SATB2: variants seen among roughly 807,000 people sequenced by gnomAD.
SATB2 encodes the protein SATB homeobox 2.
A neutral mutation model predicts 73.4 loss-of-function variants in SATB2; 1 was observed. That is an observed-to-expected ratio of 0.01 (90% CI 0.00 to 0.06). SATB2 has a LOEUF of 0.06. Ranked by LOEUF, SATB2 falls within the 10% of genes least tolerant of loss-of-function variation. The probability of loss-of-function intolerance (pLI) is 1.00; values close to 1 mark genes in which losing one functional copy is unlikely to be tolerated. For missense variants in SATB2, 459 were observed against 945.8 expected (o/e 0.49, Z 6.75); for synonymous variants, 397 against 367.0 (o/e 1.08, Z -0.93).
At chr2:199,462,939 G>A (rs1014271015), upstream of SATB2, among the ~76,000 whole-genome samples, 3 of 152,232 alleles carry the variant, frequency 2.0e-5, no homozygotes, top group African/African-American at 7.2e-5. This position sits in a 1 kb window ranked among gnomAD's most constrained non-coding sequence, Gnocchi z 5.9. Flanking sequence ...AGCTGCCTCA[G>A]GCGAGGACGG....
At chr2:199,355,171 TAC>T (rs139867776) in intron 6 of SATB2, among the ~76,000 whole-genome samples, 9 of 149,612 alleles carry the variant, frequency 6.0e-5, no homozygotes, top group African/African-American at 1.7e-4. Context: ...AATAAAATAA[TAC>T]ACACACACAC....
chr2:199,307,126 G>A (rs963902955), intron 10 of SATB2, among the ~76,000 whole-genome samples: 8 of 151,944 alleles, frequency 5.3e-5, no homozygotes, highest in South Asian at 4.2e-4. Flanking sequence ...TGGAGATGCC[G>A]GGGGAGTGAT....
chr2:199,374,773 G>A (rs1412104759), intron 5 of SATB2, among the ~76,000 whole-genome samples: 2 of 152,068 alleles, frequency 1.3e-5, no homozygotes, highest in African/African-American at 4.8e-5. Context: ...AGACTAGTCT[G>A]GCTAACATGG....
intron 2 of SATB2, among the ~76,000 whole-genome samples, chr2:199,454,286 T>G (rs921296182): frequency 6.6e-6 from 1 of 152,132 alleles, no homozygotes; most frequent in Non-Finnish European, 1.5e-5. Flanking sequence ...GATACCAAAA[T>G]TTTAAGTCCA....
chr2:199,419,586 C>T (rs982516776), intron 3 of SATB2, among the ~76,000 whole-genome samples: 1 of 152,212 alleles, frequency 6.6e-6, no homozygotes, highest in African/African-American at 2.4e-5. Context: ...CATGTGAAAG[C>T]AGTGCCGCCT....
chr2:199,443,539 CAAAAAAA>C (rs10598063), intron 2 of SATB2, among the ~76,000 whole-genome samples: 1 of 133,320 alleles, frequency 7.5e-6, no homozygotes, highest in African/African-American at 2.9e-5. Flanking sequence ...AAAGTTATAG[CAAAAAAA>C]AAAAAAAAAA....
At chr2:199,414,427 C>CA (rs1690914097) in intron 3 of SATB2, among the ~76,000 whole-genome samples, 1 of 152,236 alleles carries the variant, frequency 6.6e-6, no homozygotes, top group Admixed American at 6.5e-5. Context: ...ATCCACCCCC[C>CA]ACCAGGGCAA....
At chr2:199,337,512 A>AT (rs1252315934) in intron 7 of SATB2, among the ~76,000 whole-genome samples, 2 of 152,172 alleles carry the variant, frequency 1.3e-5, no homozygotes, top group East Asian at 1.9e-4. Flanking sequence ...TCCATGAAGG[A>AT]TTTTTTTCTT....
At chr2:199,419,224 C>T (rs941612787) in intron 3 of SATB2, among the ~76,000 whole-genome samples, 1 of 152,174 alleles carries the variant, frequency 6.6e-6, no homozygotes, top group African/African-American at 2.4e-5. Context: ...CACCTTCCAC[C>T]ACCACAGAGG....
chr2:199,401,329 C>T (rs551992690), intron 3 of SATB2, among the ~76,000 whole-genome samples: 6 of 151,792 alleles, frequency 4.0e-5, no homozygotes, highest in Middle Eastern at 3.4e-3. Context: ...AGGCGGACTA[C>T]GAGGTCAGGA....
At chr2:199,431,581 T>G (rs1306323713) in intron 3 of SATB2, among the ~76,000 whole-genome samples, 4 of 152,232 alleles carry the variant, frequency 2.6e-5, no homozygotes, top group Non-Finnish European at 2.9e-5. Context: ...ACTTTTGACT[T>G]GTTCCCTGTT....
At position 199,448,275 on chromosome 2, in the gene SATB2, G is replaced by A. The variant is rs371303809; in HGVS notation, c.169+7594C>T. Reference sequence around the variant, plus strand: ...ATAAAAGTACTCAATTTTAATATAGGACATAATTGGGAAATCTAAAAATAC... The same window carrying A: ...ATAAAAGTACTCAATTTTAATATAGAACATAATTGGGAAATCTAAAAATAC... On this transcript the variant is annotated intron_variant, in intron 2 of 10. Transcript: ENST00000417098. Among the ~76,000 whole-genome samples the A allele has an allele frequency of 1.6e-4, 24 of 151,852 alleles. 1 individual carries two copies. In the East Asian group the frequency reaches 3.3e-3, roughly 21 times the overall value.
At chr2:199,351,161 C>CTT (rs781572792) in intron 6 of SATB2, among the ~76,000 whole-genome samples, 3 of 131,638 alleles carry the variant, frequency 2.3e-5, no homozygotes, top group African/African-American at 2.7e-5. Flanking sequence ...TGTTTGCTTG[C>CTT]TTTTTTTTTT....
intron 6 of SATB2, among the ~76,000 whole-genome samples, chr2:199,350,591 G>A (rs910632318): frequency 6.6e-6 from 1 of 152,132 alleles, no homozygotes; most frequent in Admixed American, 6.5e-5. Flanking sequence ...ATTAAAATGT[G>A]GGTAGATATT....
intron 3 of SATB2, among the ~76,000 whole-genome samples, chr2:199,422,739 G>A (rs541159927): frequency 6.8e-4 from 103 of 152,130 alleles, no homozygotes; most frequent in African/African-American, 2.0e-3. Flanking sequence ...ATAATATTAC[G>A]TACTTCACAG....
At chr2:199,374,888 C>T (rs1313535388) in intron 5 of SATB2, among the ~76,000 whole-genome samples, 1 of 150,390 alleles carries the variant, frequency 6.6e-6, no homozygotes. Context: ...TGCTTCTGCC[C>T]GGGAGGCAGA....
chr2:199,320,801 A>T (rs1455158497), intron 9 of SATB2, among the ~76,000 whole-genome samples: 1 of 152,024 alleles, frequency 6.6e-6, no homozygotes, highest in East Asian at 1.9e-4. Flanking sequence ...CCTATTCCCC[A>T]TTCAAGGCTT....
intron 2 of SATB2, among the ~76,000 whole-genome samples, chr2:199,441,430 C>T (rs1691813444): frequency 6.6e-6 from 1 of 152,028 alleles, no homozygotes; most frequent in Admixed American, 6.5e-5. Context: ...TATTCAATAA[C>T]ATTTAATATT....
At chr2:199,315,405 T>C (rs1182232961) in intron 9 of SATB2, among the ~76,000 whole-genome samples, 1 of 152,044 alleles carries the variant, frequency 6.6e-6, no homozygotes, top group Non-Finnish European at 1.5e-5. Flanking sequence ...AACAATAATA[T>C]GGCCCAGTGT....
Sources: gnomAD v4.1 joint callset for allele counts (sites outside exome capture counted in the v4.1 genomes callset) on GRCh38, gnomAD v4.1.1 for gene constraint, Gnocchi (gnomAD v3.1) non-coding constraint, MANE v1.5 for transcripts, NCBI Gene and HGNC (gene_info 2026-07-23, HGNC 2026-07-21) for gene names.